Variants in DAB1 observed in about 807,000 individuals in gnomAD.
DAB1 encodes the protein DAB adaptor protein 1.
In DAB1, 15 loss-of-function variants were observed where a neutral mutation model predicts 64.6. The ratio of observed to expected loss-of-function variants is 0.23; its 90% CI spans 0.16 to 0.36. The LOEUF (loss-of-function observed/expected upper bound fraction) is 0.36. Among genes scored for constraint, DAB1 ranks in the 10% least tolerant of loss-of-function variants. The probability of loss-of-function intolerance (pLI) is 1.00; values close to 1 mark genes in which losing one functional copy is unlikely to be tolerated. For missense variants in DAB1, 596 were observed against 706.7 expected, an observed-to-expected ratio of 0.84 and a Z score of 1.78; for synonymous variants, 235 against 251.9, an observed-to-expected ratio of 0.93 and a Z score of 0.64.
chr1:57,228,182 C>T (rs1667412795), intron 2 of DAB1, among the ~76,000 whole-genome samples: 1 of 152,160 alleles, frequency 6.6e-6, no homozygotes, highest in African/African-American at 2.4e-5. Flanking sequence ...CTTTGTTCTC[C>T]TTTGAAATAG....
At chr1:58,538,838 T>A (rs1450386633) in intron 1 of DAB1, 1 of 865,248 alleles carries the variant, frequency 1.2e-6, no homozygotes, top group Non-Finnish European at 2.0e-6. Flanking sequence ...GGTTTAAGAA[T>A]CATCAACAAG....
chr1:57,454,571 G>A (rs940086983), intron 7 of DAB1, among the ~76,000 whole-genome samples: 2 of 152,024 alleles, frequency 1.3e-5, no homozygotes, highest in African/African-American at 4.8e-5. Flanking sequence ...CTTAGTACCT[G>A]GGTGATGACA....
chr1:58,000,493 C>T (rs1204637868), intron 5 of DAB1, among the ~76,000 whole-genome samples: 1 of 140,990 alleles, frequency 7.1e-6, no homozygotes, highest in Non-Finnish European at 1.5e-5. Flanking sequence ...TTGGTCTCCT[C>T]TCTCTGCCTG....
intron 6 of DAB1, among the ~76,000 whole-genome samples, chr1:57,773,082 T>C (rs1316517560): frequency 6.6e-6 from 1 of 152,028 alleles, no homozygotes; most frequent in Non-Finnish European, 1.5e-5. Context: ...GATCCTTCCC[T>C]AGAACCTTCA....
downstream of DAB1, among the ~76,000 whole-genome samples, chr1:57,825,191 C>A (rs931809325): frequency 6.6e-6 from 1 of 152,054 alleles, no homozygotes; most frequent in Admixed American, 6.5e-5. Context: ...TCCTGGTAAC[C>A]CCAGACTGAG....
intron 7 of DAB1, among the ~76,000 whole-genome samples, chr1:57,636,148 GAA>G (rs1646054564): frequency 7.9e-6 from 1 of 127,292 alleles, no homozygotes; most frequent in South Asian, 2.6e-4. Flanking sequence ...ATAAGAAAAT[GAA>G]AACACTGGAG....
At chr1:57,734,434 T>G (rs1024836209) in intron 6 of DAB1, among the ~76,000 whole-genome samples, 1 of 152,310 alleles carries the variant, frequency 6.6e-6, no homozygotes, top group African/African-American at 2.4e-5. Flanking sequence ...AATGACCAGC[T>G]TGAGGATTGG....
chr1:58,439,926 C>T (rs1644989536), intron 3 of DAB1, among the ~76,000 whole-genome samples: 1 of 152,064 alleles, frequency 6.6e-6, no homozygotes, highest in African/African-American at 2.4e-5. Flanking sequence ...TCCTTGGAAG[C>T]TTCTGCCAGT....
intron 7 of DAB1, among the ~76,000 whole-genome samples, chr1:57,519,979 C>G (rs755013897): frequency 4.6e-5 from 7 of 152,094 alleles, no homozygotes; most frequent in African/African-American, 7.2e-5. Context: ...TTTCTTTAAA[C>G]GATGTAATAG....
At chr1:58,104,852 T>C (rs1393878339) in intron 5 of DAB1, among the ~76,000 whole-genome samples, 1 of 152,212 alleles carries the variant, frequency 6.6e-6, no homozygotes, top group Admixed American at 6.5e-5. Context: ...CCAAGTGATA[T>C]AATAATTACC....
chr1:58,314,960 C>A (rs1293535346), intron 4 of DAB1, among the ~76,000 whole-genome samples: 1 of 152,154 alleles, frequency 6.6e-6, no homozygotes, highest in Admixed American at 6.5e-5. Flanking sequence ...GTAATTTCCT[C>A]CAAACAATGA....
chr1:57,836,251 T>C (rs963448981), intron 1 of DAB1, among the ~76,000 whole-genome samples: 1 of 152,224 alleles, frequency 6.6e-6, no homozygotes, highest in Admixed American at 6.5e-5. Context: ...GGTGATGAAA[T>C]TCATCAAAAT....
At chr1:58,046,584 G>C (rs918674331) in intron 5 of DAB1, among the ~76,000 whole-genome samples, 1 of 152,086 alleles carries the variant, frequency 6.6e-6, no homozygotes, top group Non-Finnish European at 1.5e-5. Context: ...TTACTAATGA[G>C]GTTGAACACA....
intron 4 of DAB1, among the ~76,000 whole-genome samples, chr1:58,170,249 T>A (rs1407011703): frequency 6.6e-6 from 1 of 152,112 alleles, no homozygotes. Flanking sequence ...CTAGAAGGAC[T>A]AAGGAGAATT....
At chr1:57,310,127 A>G (rs1674546198) in intron 1 of DAB1, among the ~76,000 whole-genome samples, 2 of 152,216 alleles carry the variant, frequency 1.3e-5, no homozygotes, top group Admixed American at 1.3e-4. Context: ...TAAATCAATC[A>G]AGTCTATCAA....
chr1:57,724,267 A>AAAGG (rs1476730085), intron 6 of DAB1, among the ~76,000 whole-genome samples: 13 of 130,298 alleles, frequency 1.0e-4, no homozygotes, highest in African/African-American at 3.5e-4. Flanking sequence ...AGGGAGGGAA[A>AAAGG]AAGGAAGGAA....
At chr1:57,027,326 C>A (rs1169797513) in intron 9 of DAB1, among the ~76,000 whole-genome samples, 1 of 152,156 alleles carries the variant, frequency 6.6e-6, no homozygotes, top group Non-Finnish European at 1.5e-5. Context: ...TCACAAACAA[C>A]CCAAGGGCAC....
intron 1 of DAB1, among the ~76,000 whole-genome samples, chr1:57,331,087 T>C (rs777044101): frequency 1.3e-5 from 2 of 152,198 alleles, no homozygotes; most frequent in Non-Finnish European, 2.9e-5. Context: ...AACTTAACAT[T>C]GTAAATTAGG....
chr1:57,006,359 A>G (rs1332834807), intron 14 of DAB1, among the ~76,000 whole-genome samples: 1 of 152,196 alleles, frequency 6.6e-6, no homozygotes, highest in Middle Eastern at 3.2e-3. Context: ...CTGCTCAAAC[A>G]TGCTGCTTGT....
Sources: allele counts gnomAD v4.1 joint callset (sites outside exome capture counted in the v4.1 genomes callset), GRCh38; gene constraint gnomAD v4.1.1; transcripts MANE v1.5; gene names NCBI Gene and HGNC (gene_info 2026-07-23, HGNC 2026-07-21).